The following LHPP variants were observed in gnomAD, a reference collection of about 807,000 sequenced individuals.
The protein encoded by LHPP is phospholysine phosphohistidine inorganic pyrophosphate phosphatase, also known as hLHPP.
A neutral mutation model predicts 30.3 loss-of-function variants in LHPP; 24 were observed. The observed-to-expected ratio is 0.79, with a 90% CI of 0.57 to 1.11. The LOEUF (loss-of-function observed/expected upper bound fraction) is 1.11. LHPP is among the 50% of genes most tolerant of loss of function. LHPP has a pLI of 0.00. For missense variants in LHPP, 356 were observed against 367.2 expected, an observed-to-expected ratio of 0.97 and a Z score of 0.25; for synonymous variants, 150 against 157.1, an observed-to-expected ratio of 0.95 and a Z score of 0.34.
Position 124,461,839 on chromosome 10 carries a change from A to C in LHPP, c.-24A>C, listed in dbSNP as rs548914995. The C allele has an allele frequency of 3.2e-6, 4 of 1,232,370 alleles. No individual in the cohort carries two copies. Among genetic ancestry groups the C allele is most frequent in the Non-Finnish European group, 4.1e-6 (4 of 984,748 alleles). The allele number at this position is 1,232,370 out of a possible 1,614,324, so 76.3% of individuals were successfully genotyped here. ...GGCGCCGGCGTCGGTTGGGACGCGG[A>C]GCTGAGGAGCAGGGCCGGGCGCCAT... On this transcript the variant is annotated 5_prime_UTR_variant, in exon 1 of 7. Transcript: ENST00000368842.
chr10:124,579,803 G>A lies in LHPP; in HGVS notation c.717-33461G>A, dbSNP rs565713078. 5.3e-5 allele frequency among the ~76,000 whole-genome samples: 8 copies of A among 152,268 alleles called. No individual in the cohort carries two copies. The South Asian group carries it at 1.0e-3, about 20-fold the overall frequency. ...AAGCTCTGATGCAGAAGAGCTCGCT[G>A]GAGCAAACATGTATGTTCTGTTTTA... On this transcript the variant is annotated intron_variant, in intron 6 of 6. Transcript: ENST00000368842.
chr10:124,606,150 C>G (rs1432513074), intron 6 of LHPP, among the ~76,000 whole-genome samples: 3 of 152,170 alleles, frequency 2.0e-5, no homozygotes, highest in Non-Finnish European at 2.9e-5. Flanking sequence ...GGAGAACCCG[C>G]AGCCGCCCCG....
intron 1 of LHPP, 49 bp downstream of exon 1, chr10:124,462,036 C>G: frequency 8.4e-7 from 1 of 1,192,686 alleles, no homozygotes; most frequent in African/African-American, 1.6e-5. Flanking sequence ...CTAAGCTCAG[C>G]CCGCTCCCTG....
In LHPP at chr10:124,590,134, G is replaced by A. The variant is rs72839004; in HGVS notation, c.717-23130G>A. Among the ~76,000 whole-genome samples the A allele has an allele frequency of 0.033, 5,015 of 152,174 alleles. 133 individuals are homozygous for A. The highest frequency in any genetic ancestry group is 0.13 in the East Asian group (654 of 5,172). ...AACAGCTCATTCGATTCGTTCATGT[G>A]ACGTCCTCCCTCTCCCAATCCCTGT... On this transcript the variant is annotated intron_variant, in intron 6 of 6. Coordinates refer to ENST00000368842, the MANE Select transcript of LHPP (RefSeq NM_022126.4). This position sits in a 1 kb window ranked among gnomAD's most constrained non-coding sequence, Gnocchi z 4.3.
intron 6 of LHPP, among the ~76,000 whole-genome samples, chr10:124,544,020 A>G (rs533709858): frequency 1.1e-4 from 17 of 152,348 alleles, no homozygotes; most frequent in Admixed American, 5.2e-4. Flanking sequence ...CTCCTGGGAC[A>G]GTGATTGTGC....
intron 6 of LHPP, among the ~76,000 whole-genome samples, chr10:124,589,574 G>T (rs1021358173): frequency 6.6e-6 from 1 of 152,216 alleles, no homozygotes; most frequent in African/African-American, 2.4e-5. Context: ...CTGTTGACAC[G>T]AGAGCAGGGG....
At chr10:124,512,592 G>C (rs1038369656) in intron 5 of LHPP, among the ~76,000 whole-genome samples, 11 of 149,668 alleles carry the variant, frequency 7.3e-5, no homozygotes, top group African/African-American at 2.7e-4. Flanking sequence ...ACTCCAGCCT[G>C]GGTGACAGAG....
intron 6 of LHPP, chr10:124,526,066 C>A: frequency 3.8e-6 from 2 of 529,388 alleles, no homozygotes; most frequent in Non-Finnish European, 4.8e-6. Context: ...TGGGAACGTG[C>A]AGGTCCCTCG....
At position 124,541,286 on chromosome 10, in the gene LHPP, G is replaced by A. The variant is rs1007927973; in HGVS notation, c.716+24015G>A. 1.5e-4 allele frequency among the ~76,000 whole-genome samples: 23 copies of A among 152,348 alleles called. No homozygotes were observed. The East Asian group carries it at 4.0e-3, about 27-fold the overall frequency. On this transcript the variant is annotated intron_variant, in intron 6 of 6. Coordinates refer to ENST00000368842, the MANE Select transcript of LHPP (RefSeq NM_022126.4). The surrounding 1 kb of genome is among the most constrained non-coding windows in gnomAD (Gnocchi z 4.2). ...CTGCAGTACCAGGATAGACAATTTG[G>A]GCTGGAGCCAAACTTGATCAGAGGG...
rs1469109074 is a variant in LHPP at position 124,596,766 on chromosome 10, C to A, written c.717-16498C>A. On this transcript the variant is annotated intron_variant, in intron 6 of 6. Coordinates refer to ENST00000368842, the MANE Select transcript of LHPP (RefSeq NM_022126.4). The surrounding 1 kb of genome is among the most constrained non-coding windows in gnomAD (Gnocchi z 4.6). Reference sequence around the variant, plus strand: ...AGCAAACAGGCCAGGACAGAGGCTGCAGGTATAAGCCCTGCCCTGCCACCA... The same window carrying A: ...AGCAAACAGGCCAGGACAGAGGCTGAAGGTATAAGCCCTGCCCTGCCACCA... 1.3e-5 allele frequency among the ~76,000 whole-genome samples: 2 copies of A among 152,220 alleles called. No homozygotes were observed. The highest frequency in any genetic ancestry group is 4.8e-5 in the African/African-American group (2 of 41,448).
intron 3 of LHPP, among the ~76,000 whole-genome samples, chr10:124,492,075 A>C (rs4246200): frequency 0.7 from 106,929 of 152,110 alleles, 38,950 homozygotes; most frequent in Non-Finnish European, 0.81. Flanking sequence ...CAGCAGCCAT[A>C]GCTGGAGCCA....
chr10:124,544,627 C>G (rs1955287489), intron 6 of LHPP, among the ~76,000 whole-genome samples: 1 of 152,236 alleles, frequency 6.6e-6, no homozygotes, highest in Non-Finnish European at 1.5e-5. Context: ...TGTATTTTAT[C>G]ACCATGAGGT....
At chr10:124,574,637 G>A (rs564266783) in intron 6 of LHPP, among the ~76,000 whole-genome samples, 13 of 152,300 alleles carry the variant, frequency 8.5e-5, no homozygotes, top group African/African-American at 2.9e-4. Flanking sequence ...GCATCCCACC[G>A]GGTGCCTGGA....
At chr10:124,503,389 G>A (rs951358107) in intron 5 of LHPP, among the ~76,000 whole-genome samples, 3 of 151,986 alleles carry the variant, frequency 2.0e-5, no homozygotes, top group Admixed American at 6.5e-5. Flanking sequence ...TTTATGTGTG[G>A]CCCAAGACAT....
At chr10:124,532,051 T>C (rs1162482221) in intron 6 of LHPP, among the ~76,000 whole-genome samples, 1 of 152,234 alleles carries the variant, frequency 6.6e-6, no homozygotes, top group Non-Finnish European at 1.5e-5. Context: ...TTAACCGTCA[T>C]CACTGGGATA....
Position 124,590,052 on chromosome 10 carries a change from C to T in LHPP, c.717-23212C>T, listed in dbSNP as rs145284530. 7.0e-4 allele frequency among the ~76,000 whole-genome samples: 106 copies of T among 152,330 alleles called. No homozygotes were observed. Among genetic ancestry groups the T allele is most frequent in the African/African-American group, 2.4e-3 (100 of 41,562 alleles). On this transcript the variant is annotated intron_variant, in intron 6 of 6. Transcript: ENST00000368842. This position sits in a 1 kb window ranked among gnomAD's most constrained non-coding sequence, Gnocchi z 4.3. ...CCCCCCGCCCTTAGAAAAATAAATG[C>T]GTGATTGACTGGCTTTGCAGGTTTT...
rs17152079 is a variant in LHPP, at chr10:124,590,442, C to T, written c.717-22822C>T. Among the ~76,000 whole-genome samples the T allele has an allele frequency of 0.054, 8,254 of 152,194 alleles. 714 individuals carry two copies. Among genetic ancestry groups the T allele is most frequent in the African/African-American group, 0.18 (7,652 of 41,488 alleles). On this transcript the variant is annotated intron_variant, in intron 6 of 6. Transcript: ENST00000368842. The surrounding 1 kb of genome is among the most constrained non-coding windows in gnomAD (Gnocchi z 4.3). ...ATTCTGAGTTGAGTTCCGACGCAGG[C>T]GTGGGCGATGGTGAGCAACTCCAGG...
At chr10:124,484,636 G>A (rs1323353542) in intron 2 of LHPP, among the ~76,000 whole-genome samples, 2 of 150,414 alleles carry the variant, frequency 1.3e-5, no homozygotes, top group African/African-American at 4.9e-5. Flanking sequence ...GAATTGTCAA[G>A]GTGGCGGAGT....
intron 1 of LHPP, among the ~76,000 whole-genome samples, chr10:124,463,849 TCTTA>T (rs1423472516): frequency 1.4e-5 from 2 of 143,288 alleles, no homozygotes; most frequent in Non-Finnish European, 3.0e-5. Flanking sequence ...TGAGACAAGG[TCTTA>T]CTTTGCCACC....
Sources: allele counts gnomAD v4.1 joint callset (sites outside exome capture counted in the v4.1 genomes callset), GRCh38; gene constraint gnomAD v4.1.1; non-coding constraint Gnocchi (gnomAD v3.1); transcripts MANE v1.5; gene names NCBI Gene and HGNC (gene_info 2026-07-23, HGNC 2026-07-21).